The following CFAP221 variants were observed in gnomAD, a reference collection of about 807,000 sequenced individuals.
CFAP221 encodes the protein cilia- and flagella-associated protein 221.
Under a neutral mutation model 113.1 loss-of-function variants are expected in CFAP221, and 97 were observed. The observed-to-expected ratio is 0.86, with a 90% CI of 0.73 to 1.02. CFAP221 has a LOEUF of 1.02. Among genes scored for constraint, CFAP221 ranks in the 50% least tolerant of loss-of-function variants. The pLI, the probability that CFAP221 is intolerant of heterozygous loss-of-function variation, is 0.00. For synonymous variants in CFAP221, 331 were observed against 354.4 expected (o/e 0.93, Z 0.74); for missense variants, 1,025 against 1,013.4 (o/e 1.01, Z -0.16).
chr2:119,659,728 C>T (rs1006179113), downstream of CFAP221, among the ~76,000 whole-genome samples: 16 of 113,616 alleles, frequency 1.4e-4, no homozygotes, highest in African/African-American at 4.4e-4. Flanking sequence ...GTCCGCACCC[C>T]TGGGCCTCTG....
At chr2:119,615,049 C>T (rs1478036269) in intron 13 of CFAP221, among the ~76,000 whole-genome samples, 1 of 152,210 alleles carries the variant, frequency 6.6e-6, no homozygotes, top group African/African-American at 2.4e-5. Context: ...AGACTGATTC[C>T]CTTCTGCTGT....
chr2:119,653,942 AC>A (rs1482313375), intron 23 of CFAP221, among the ~76,000 whole-genome samples: 1 of 152,016 alleles, frequency 6.6e-6, no homozygotes, highest in Non-Finnish European at 1.5e-5. Context: ...TTTATGAGGG[AC>A]TTGTTTTGCC....
At chr2:119,619,240 G>A (rs1685727709) in intron 14 of CFAP221, among the ~76,000 whole-genome samples, 1 of 152,200 alleles carries the variant, frequency 6.6e-6, no homozygotes, top group African/African-American at 2.4e-5. Flanking sequence ...GCTCTGCTAA[G>A]GGACAGACTG....
intron 6 of CFAP221, among the ~76,000 whole-genome samples, chr2:119,575,994 G>A (rs572611440): frequency 6.6e-6 from 1 of 152,212 alleles, no homozygotes; most frequent in Non-Finnish European, 1.5e-5. Flanking sequence ...CTGGGACAGA[G>A]GTGAAGGTGG....
chr2:119,565,638 G>T (rs932252493), intron 6 of CFAP221, among the ~76,000 whole-genome samples: 1 of 152,128 alleles, frequency 6.6e-6, no homozygotes, highest in African/African-American at 2.4e-5. Context: ...CTGTGTTATT[G>T]TATATAATGA....
rs561543783 is a variant in CFAP221 at position 119,625,956 on chromosome 2, T to C, written c.1516+268T>C. ...CATTCACACATTAAGCCTTTTAAAC[T>C]TAATGGCTTAAAAGAATGCAAATTT... On this transcript the variant is annotated intron_variant, in intron 15 of 23. Transcript: ENST00000413369. Among the ~76,000 whole-genome samples, 35 of 152,270 alleles carry C rather than the reference T, an allele frequency of 2.3e-4. 1 individual carries two copies. Among genetic ancestry groups the C allele is most frequent in the Admixed American group, 7.2e-4 (11 of 15,302 alleles).
At chr2:119,638,226 C>T in intron 19 of CFAP221, 33 bp from the exon 20 acceptor site, 1 of 1,611,288 alleles carries the variant, frequency 6.2e-7, no homozygotes. Context: ...AACTGGTAAA[C>T]AGAAAAGAAT....
intron 6 of CFAP221, among the ~76,000 whole-genome samples, chr2:119,581,144 A>G (rs1042091993): frequency 2.6e-5 from 4 of 152,230 alleles, no homozygotes; most frequent in African/African-American, 7.2e-5. Context: ...TTTACTCAAA[A>G]TGAGCCTGCA....
intron 6 of CFAP221, among the ~76,000 whole-genome samples, chr2:119,586,427 C>G (rs1244415658): frequency 1.3e-5 from 2 of 152,214 alleles, no homozygotes; most frequent in Non-Finnish European, 2.9e-5. Flanking sequence ...ACTGCTGCCA[C>G]AGCTCCTGGG....
intron 21 of CFAP221, among the ~76,000 whole-genome samples, chr2:119,645,120 G>A (rs74668261): frequency 0.039 from 5,853 of 149,178 alleles, 263 homozygotes; most frequent in African/African-American, 0.11. Flanking sequence ...CTCTCTCTCT[G>A]TCTCTGTCTG....
chr2:119,588,341 T>G (rs12328609), intron 7 of CFAP221, among the ~76,000 whole-genome samples: 6,192 of 152,224 alleles, frequency 0.041, 288 homozygotes, highest in African/African-American at 0.11. Context: ...GAATTCGTAG[T>G]GTTGGAATGA....
chr2:119,630,728 T>TTA, intron 18 of CFAP221, 39 bp from the exon 19 acceptor site: 1 of 1,605,860 alleles, frequency 6.2e-7, no homozygotes, highest in Non-Finnish European at 8.5e-7. Context: ...CCTCTTATCC[T>TTA]GGCATCAAAA....
At chr2:119,562,586 A>G (rs980814452) in intron 6 of CFAP221, among the ~76,000 whole-genome samples, 1 of 152,172 alleles carries the variant, frequency 6.6e-6, no homozygotes, top group Non-Finnish European at 1.5e-5. Context: ...CAGACCTCAT[A>G]TACCCATCCA....
At chr2:119,654,161 C>T (rs2104822920) in intron 23 of CFAP221, among the ~76,000 whole-genome samples, 1 of 152,262 alleles carries the variant, frequency 6.6e-6, no homozygotes, top group South Asian at 2.1e-4. Flanking sequence ...AGACCTGCAG[C>T]AGCCAACACT....
chr2:119,593,249 T>C (rs937832728), intron 7 of CFAP221, among the ~76,000 whole-genome samples: 10 of 152,160 alleles, frequency 6.6e-5, no homozygotes, highest in Non-Finnish European at 1.0e-4. Flanking sequence ...TTTGCATGAG[T>C]GTGGTGTATA....
intron 14 of CFAP221, among the ~76,000 whole-genome samples, chr2:119,622,640 TC>T: frequency 6.6e-6 from 1 of 152,198 alleles, no homozygotes. Flanking sequence ...GCAAACCAAA[TC>T]CAGGAGCACA....
rs1661142248 is a variant in CFAP221, at chr2:119,627,633, G to A, written c.1517-20G>A. 1 of 1,610,770 alleles carries A rather than the reference G, an allele frequency of 6.2e-7. No homozygotes were observed. Among genetic ancestry groups the A allele is most frequent in the Middle Eastern group, 1.7e-4 (1 of 6,040 alleles). On this transcript the variant is annotated intron_variant, in intron 15 of 23. Coordinates refer to ENST00000413369, the MANE Select transcript of CFAP221 (RefSeq NM_001271049.2). The stretch of plus-strand genomic sequence containing the variant: ...AATACCTTTAGTACCCCCTAAAAGT[G>A]CCCTTTTTTTCACCCATAGAGGCGA...
At chr2:119,638,542 G>C in intron 20 of CFAP221, 125 bp downstream of exon 20, 2 of 1,241,770 alleles carry the variant, frequency 1.6e-6, no homozygotes, top group Admixed American at 3.8e-5. Flanking sequence ...AACAAGAATG[G>C]TAACACCGCC....
chr2:119,646,843 C>A, intron 21 of CFAP221, 115 bp from the exon 22 acceptor site: 1 of 833,226 alleles, frequency 1.2e-6, no homozygotes, highest in Non-Finnish European at 1.8e-6. Flanking sequence ...TGAGGGAGGA[C>A]AGAGTAGTAG....
Sources: allele counts gnomAD v4.1 joint callset (sites outside exome capture counted in the v4.1 genomes callset), GRCh38; gene constraint gnomAD v4.1.1; transcripts MANE v1.5; gene names NCBI Gene and HGNC (gene_info 2026-07-23, HGNC 2026-07-21).